Variants in AFF2 observed in about 807,000 individuals in gnomAD.
The protein encoded by AFF2 is ALF transcription elongation factor 2, also known as AF4/FMR2 family member 2.
In AFF2, 14 loss-of-function variants were observed where a neutral mutation model predicts 76.9. The ratio of observed to expected loss-of-function variants is 0.18; its 90% CI spans 0.12 to 0.28. The LOEUF is 0.28. Among genes scored for constraint, AFF2 ranks in the 10% least tolerant of loss-of-function variants. The pLI is 1.00. For synonymous variants in AFF2, 398 were observed against 366.7 expected, an observed-to-expected ratio of 1.09 and a Z score of -0.98; for missense variants, 868 against 1,001.1, an observed-to-expected ratio of 0.87 and a Z score of 1.79.
At chrX:148,920,413 A>AT (rs782054095) in intron 9 of AFF2, among the ~76,000 whole-genome samples, 29 of 111,948 alleles carry the variant, frequency 2.6e-4, no homozygotes, top group African/African-American at 9.4e-4. Context: ...ATCCATGTTC[A>AT]TTTTTTTGAA....
chrX:148,840,222 C>G (rs2124669618), intron 5 of AFF2, among the ~76,000 whole-genome samples: 1 of 110,870 alleles, frequency 9.0e-6, no homozygotes, highest in Non-Finnish European at 1.9e-5. Context: ...CAAACTATGG[C>G]CCATAGGTTT....
chrX:148,614,880 T>C lies in AFF2; in HGVS notation c.48-37119T>C, dbSNP rs150735828. Among the ~76,000 whole-genome samples the C allele has an allele frequency of 6.3e-3, 667 of 106,470 alleles. 4 individuals carry two copies. The highest frequency in any genetic ancestry group is 0.01 in the Non-Finnish European group (531 of 51,808). The allele number at this position is 106,470 out of a possible 115,157, so 92.5% of individuals were successfully genotyped here. A position where few individuals can be genotyped will look rare whatever the true frequency, so the allele number is the denominator to read the frequency against. On this transcript the variant is annotated intron_variant, in intron 1 of 20. Transcript: ENST00000370460. ...TTTCCTTCTTTCTTTTTCACCCTTA[T>C]GTTTCTTTACAGGCAAAGATAAAGG...
chrX:148,696,662 A>G (rs1243084249), intron 3 of AFF2, among the ~76,000 whole-genome samples: 1 of 111,693 alleles, frequency 9.0e-6, no homozygotes, highest in Non-Finnish European at 1.9e-5. Flanking sequence ...TTAAAACTTT[A>G]CTTTCCTATT....
intron 1 of AFF2, among the ~76,000 whole-genome samples, chrX:148,581,129 GTATACGTATACACACATATACA>G (rs1296881564): frequency 2.7e-5 from 1 of 37,540 alleles, no homozygotes; most frequent in African/African-American, 7.6e-5. Context: ...ACACATATAC[GTATACGTATACACACATATACA>G]TATACGTATA....
chrX:148,876,533 A>T lies in AFF2; in HGVS notation c.1263-9356A>T, dbSNP rs975994302. ...CATGCATCACCCCAGCAGAGAAACA[A>T]GTCCATTCGCTATTGTTCTGTTTAT... On this transcript the variant is annotated intron_variant, in intron 7 of 20. Coordinates refer to ENST00000370460, the MANE Select transcript of AFF2 (RefSeq NM_002025.4). 5.4e-5 allele frequency among the ~76,000 whole-genome samples: 6 copies of T among 112,131 alleles called. No homozygotes were observed. In the East Asian group the frequency reaches 1.7e-3, roughly 32 times the overall value.
chrX:148,555,643 A>T (rs1569551203), intron 1 of AFF2, among the ~76,000 whole-genome samples: 1 of 111,880 alleles, frequency 8.9e-6, no homozygotes, highest in East Asian at 2.8e-4. Flanking sequence ...GATTAAGCTC[A>T]CAGCACTGGG....
intron 8 of AFF2, among the ~76,000 whole-genome samples, chrX:148,894,892 G>GATATATATATATAT (rs200455717): frequency 5.5e-5 from 6 of 109,583 alleles, no homozygotes; most frequent in African/African-American, 2.0e-4. Flanking sequence ...ATGTGAGATA[G>GATATATATATATAT]ATAGATATAT....
rs1290554077 is a variant in AFF2 at position 148,915,014 on chromosome X, G to A, written c.1397+10756G>A. Reference sequence around the variant, plus strand: ...AATGCGTTCAGAGTCAAGAGCCTGAGGTAGTAAGTTATTATTCAGTTGACT... The same window carrying A: ...AATGCGTTCAGAGTCAAGAGCCTGAAGTAGTAAGTTATTATTCAGTTGACT... On this transcript the variant is annotated intron_variant, in intron 9 of 20. Transcript: ENST00000370460. Among the ~76,000 whole-genome samples, 6 of 112,137 alleles carry A rather than the reference G, an allele frequency of 5.4e-5. No homozygotes were observed. The South Asian group carries it at 1.1e-3, about 21-fold the overall frequency.
At chrX:148,631,368 C>CAT (rs782667422) in intron 1 of AFF2, among the ~76,000 whole-genome samples, 7 of 111,326 alleles carry the variant, frequency 6.3e-5, no homozygotes, top group East Asian at 5.6e-4. Flanking sequence ...ATATGACTGT[C>CAT]ATATATATAT....
intron 1 of AFF2, among the ~76,000 whole-genome samples, chrX:148,630,319 T>A (rs1485520963): frequency 8.9e-6 from 1 of 111,895 alleles, no homozygotes; most frequent in Non-Finnish European, 1.9e-5. Flanking sequence ...GGTGATTTGG[T>A]TTTGATTTTC....
intron 7 of AFF2, 88 bp from the exon 8 acceptor site, chrX:148,885,801 C>T: frequency 1.3e-6 from 1 of 795,635 alleles, no homozygotes; most frequent in Non-Finnish European, 1.9e-6. Flanking sequence ...ATTGTAGCTC[C>T]AATACTTTAT....
chrX:148,558,988 G>A (rs2053081326), intron 1 of AFF2, among the ~76,000 whole-genome samples: 1 of 111,019 alleles, frequency 9.0e-6, no homozygotes, highest in South Asian at 3.9e-4. Context: ...TAGTGTGTGA[G>A]ATAGTGGTAA....
intron 3 of AFF2, among the ~76,000 whole-genome samples, chrX:148,711,385 G>T (rs2054965815): frequency 8.9e-6 from 1 of 111,814 alleles, no homozygotes; most frequent in African/African-American, 3.2e-5. Flanking sequence ...CAAAATAATT[G>T]TGTGTGGGAC....
chrX:148,503,804 CT>C (rs2052378530), intron 1 of AFF2, among the ~76,000 whole-genome samples: 1 of 111,684 alleles, frequency 9.0e-6, no homozygotes, highest in Admixed American at 9.4e-5. Context: ...GCTCACATGC[CT>C]AATGGAACAT....
At chrX:148,653,547 A>T (rs183010846) in intron 2 of AFF2, among the ~76,000 whole-genome samples, 11 of 112,253 alleles carry the variant, frequency 9.8e-5, no homozygotes, top group African/African-American at 3.6e-4. Flanking sequence ...GATGAAAAAA[A>T]TCATTACAAA....
intron 3 of AFF2, among the ~76,000 whole-genome samples, chrX:148,737,170 A>G (rs1390524486): frequency 9.0e-6 from 1 of 110,739 alleles, no homozygotes; most frequent in Non-Finnish European, 1.9e-5. Flanking sequence ...GTGGTATTTT[A>G]ATGGAGATTG....
chrX:148,518,217 C>T (rs2052559525), intron 1 of AFF2, among the ~76,000 whole-genome samples: 1 of 111,109 alleles, frequency 9.0e-6, no homozygotes, highest in South Asian at 3.8e-4. Context: ...TTGCTTTGGT[C>T]TGGTCTTGGC....
At chrX:148,820,122 A>G (rs191477963) in intron 4 of AFF2, among the ~76,000 whole-genome samples, 112 of 111,572 alleles carry the variant, frequency 1.0e-3, no homozygotes, top group African/African-American at 3.4e-3. Context: ...TCCTTTCCAT[A>G]TGAATTTTAG....
At chrX:148,953,312 A>G (rs7052592) in intron 9 of AFF2, among the ~76,000 whole-genome samples, 16,727 of 111,426 alleles carry the variant, frequency 0.15, 2,097 homozygotes, top group African/African-American at 0.42. Context: ...TTTATGTTGA[A>G]TGAGGGTGGC....
Sources: gnomAD v4.1 joint callset for allele counts (sites outside exome capture counted in the v4.1 genomes callset) on GRCh38, gnomAD v4.1.1 for gene constraint, MANE v1.5 for transcripts, NCBI Gene and HGNC (gene_info 2026-07-23, HGNC 2026-07-21) for gene names.